Variants in ATRNL1 observed in about 807,000 individuals in gnomAD.
ATRNL1 encodes the protein attractin like 1, also known as attractin-like protein 1.
ATRNL1 carries 95 observed loss-of-function variants against 182.7 expected under a neutral mutation model. The ratio of observed to expected loss-of-function variants is 0.52; its 90% confidence interval spans 0.44 to 0.62. The LOEUF is 0.62. Among genes scored for constraint, ATRNL1 ranks in the 20% least tolerant of loss-of-function variants. The pLI, the probability that ATRNL1 is intolerant of heterozygous loss-of-function variation, is 0.00. For missense variants in ATRNL1, 1,471 were observed against 1,679.5 expected (o/e 0.88, Z 2.17); for synonymous variants, 576 against 568.3 (o/e 1.01, Z -0.19).
intron 19 of ATRNL1, among the ~76,000 whole-genome samples, chr10:115,385,067 T>C (rs1307947614): frequency 3.3e-5 from 5 of 152,060 alleles, no homozygotes; most frequent in Non-Finnish European, 5.9e-5. Flanking sequence ...TAGAGTGGAA[T>C]TGCTTTTTGT....
chr10:115,802,716 G>A (rs899176413), intron 27 of ATRNL1, among the ~76,000 whole-genome samples: 1 of 152,238 alleles, frequency 6.6e-6, no homozygotes, highest in Non-Finnish European at 1.5e-5. Context: ...AGTCTAAATA[G>A]ATATGAAACA....
At chr10:115,699,659 T>A (rs1190445662) in intron 26 of ATRNL1, among the ~76,000 whole-genome samples, 1 of 152,058 alleles carries the variant, frequency 6.6e-6, no homozygotes, top group Non-Finnish European at 1.5e-5. Context: ...ATTTGTTTGT[T>A]TATTTATTTA....
intron 21 of ATRNL1, among the ~76,000 whole-genome samples, chr10:115,445,267 A>G (rs1038413918): frequency 5.3e-5 from 8 of 150,388 alleles, no homozygotes; most frequent in Non-Finnish European, 1.0e-4. Flanking sequence ...CATCTCTACT[A>G]AAAATACAAA....
chr10:115,394,753 G>T lies in ATRNL1; in HGVS notation c.3269+1G>T, dbSNP rs1554955133. On this transcript the variant is annotated splice_donor_variant, in intron 20 of 28. Transcript: ENST00000355044. LOFTEE classifies it high-confidence loss of function. ...GAATAAAAGGTGACCAATGCCAATTGTAAGTAAGAATGACTTTTTAGAACT... is the reference window on the plus strand; with the variant it reads ...GAATAAAAGGTGACCAATGCCAATTTTAAGTAAGAATGACTTTTTAGAACT... 1 of 1,584,934 alleles carries T rather than the reference G, an allele frequency of 6.3e-7. No homozygotes were observed. The highest frequency in any genetic ancestry group is 1.8e-5 in the Admixed American group (1 of 55,130).
At chr10:115,913,172 C>A (rs1952738054) in intron 28 of ATRNL1, among the ~76,000 whole-genome samples, 1 of 152,190 alleles carries the variant, frequency 6.6e-6, no homozygotes, top group African/African-American at 2.4e-5. Flanking sequence ...AATATTTTAA[C>A]TGATTACAAA....
intron 19 of ATRNL1, among the ~76,000 whole-genome samples, chr10:115,364,913 T>C (rs202224979): frequency 6.6e-6 from 1 of 151,418 alleles, no homozygotes; most frequent in Non-Finnish European, 1.5e-5. Context: ...GCTGCTGGAT[T>C]CAGTTTGCCA....
At chr10:115,422,937 T>G (rs550756183) in intron 20 of ATRNL1, among the ~76,000 whole-genome samples, 2 of 152,324 alleles carry the variant, frequency 1.3e-5, no homozygotes, top group South Asian at 4.1e-4. Flanking sequence ...ATTACCTGGG[T>G]GGTGAAATTA....
At position 115,866,582 on chromosome 10, in the gene ATRNL1, G is replaced by A. The variant is rs549466136; in HGVS notation, c.4018+18591G>A. On this transcript the variant is annotated intron_variant, in intron 28 of 28. Transcript: ENST00000355044. ...TTCATAATTGACAGGACCAAGATATGAACCTAGTTTTTGTGTCTACTCTAC... is the reference window on the plus strand; with the variant it reads ...TTCATAATTGACAGGACCAAGATATAAACCTAGTTTTTGTGTCTACTCTAC... Among the ~76,000 whole-genome samples, 6 of 152,300 alleles carry A rather than the reference G, an allele frequency of 3.9e-5. No homozygotes were observed. In the South Asian group the frequency reaches 1.2e-3, roughly 32 times the overall value.
chr10:115,461,754 C>G (rs1483471575), intron 21 of ATRNL1, among the ~76,000 whole-genome samples, 187 bp from the exon 22 acceptor site: 2 of 151,956 alleles, frequency 1.3e-5, no homozygotes, highest in African/African-American at 2.4e-5. Context: ...AGTACTTCTT[C>G]CATAACTATG....
At chr10:115,362,934 G>T (rs1162147054) in intron 19 of ATRNL1, among the ~76,000 whole-genome samples, 1 of 151,770 alleles carries the variant, frequency 6.6e-6, no homozygotes, top group African/African-American at 2.4e-5. Context: ...TGGACATTTG[G>T]GTTGGTTCCA....
chr10:115,245,921 A>G (rs979765212), intron 10 of ATRNL1, among the ~76,000 whole-genome samples: 1 of 152,134 alleles, frequency 6.6e-6, no homozygotes, highest in African/African-American at 2.4e-5. Context: ...ATTTCTTTCA[A>G]TGAATTTAGC....
intron 26 of ATRNL1, among the ~76,000 whole-genome samples, chr10:115,561,439 G>C (rs1168042875): frequency 6.6e-6 from 1 of 151,906 alleles, no homozygotes; most frequent in Non-Finnish European, 1.5e-5. Context: ...AAAAAATGTT[G>C]AAAAATATAA....
At chr10:115,245,499 C>CAAAA (rs35541977) in intron 10 of ATRNL1, among the ~76,000 whole-genome samples, 2 of 72,870 alleles carry the variant, frequency 2.7e-5, no homozygotes, top group Admixed American at 1.7e-4. Context: ...CACTCCGTCT[C>CAAAA]AAAAAAAAAA....
intron 26 of ATRNL1, among the ~76,000 whole-genome samples, chr10:115,702,643 G>T (rs7897855): frequency 1.3e-5 from 2 of 151,516 alleles, no homozygotes; most frequent in African/African-American, 4.8e-5. Context: ...CTATACACCA[G>T]TAACATTCAA....
At chr10:115,496,133 A>G (rs1849539275) in intron 24 of ATRNL1, among the ~76,000 whole-genome samples, 1 of 152,174 alleles carries the variant, frequency 6.6e-6, no homozygotes, top group African/African-American at 2.4e-5. Flanking sequence ...CAACTATAAT[A>G]GCAACCCTTG....
At chr10:115,549,953 A>C (rs1444317717) in intron 26 of ATRNL1, among the ~76,000 whole-genome samples, 5 of 151,910 alleles carry the variant, frequency 3.3e-5, no homozygotes, top group Non-Finnish European at 5.9e-5. Context: ...GAAATTTATT[A>C]TAACATTCTT....
chr10:115,782,625 A>G (rs138872205), intron 27 of ATRNL1, among the ~76,000 whole-genome samples: 165 of 152,298 alleles, frequency 1.1e-3, no homozygotes, highest in African/African-American at 3.8e-3. Context: ...AAGGGCTGAG[A>G]AGTTGAAACT....
At chr10:115,266,413 A>C in intron 11 of ATRNL1, among the ~76,000 whole-genome samples, 1 of 151,680 alleles carries the variant, frequency 6.6e-6, no homozygotes, top group Admixed American at 6.6e-5. Context: ...GCTATTATCT[A>C]TTTTTTTAAA....
At chr10:115,510,170 G>C (rs114108673) in intron 24 of ATRNL1, among the ~76,000 whole-genome samples, 294 of 152,152 alleles carry the variant, frequency 1.9e-3, no homozygotes, top group African/African-American at 6.6e-3. Context: ...AGTTTCTGGA[G>C]ATGGAAACTT....
Sources: gnomAD v4.1 joint callset for allele counts (sites outside exome capture counted in the v4.1 genomes callset) on GRCh38, gnomAD v4.1.1 for gene constraint, MANE v1.5 for transcripts, NCBI Gene and HGNC (gene_info 2026-07-23, HGNC 2026-07-21) for gene names.